The following ASMTL variants were observed in gnomAD, a reference collection of about 807,000 sequenced individuals.
ASMTL encodes the protein acetylserotonin O-methyltransferase like, also known as probable bifunctional dTTP/UTP pyrophosphatase/methyltransferase protein.
In ASMTL, 57 loss-of-function variants were observed where a neutral mutation model predicts 60.3. That is an observed-to-expected ratio of 0.95 (90% CI 0.76 to 1.18). The LOEUF (loss-of-function observed/expected upper bound fraction) is 1.18, where lower values mean the gene tolerates loss of function less well. Ranked by LOEUF, ASMTL falls within the 50% of genes most tolerant of loss-of-function variation. The pLI is 0.00. For missense variants in ASMTL, 981 were observed against 852.6 expected (o/e 1.15, Z -1.88); for synonymous variants, 419 against 373.0 (o/e 1.12, Z -1.42).
chrX:1,452,869 C>T lies in ASMTL; in HGVS notation c.-29G>A, dbSNP rs1293039513. 1 of 1,506,038 alleles carries T rather than the reference C, an allele frequency of 6.6e-7. No homozygotes were observed. Among genetic ancestry groups the T allele is most frequent in the East Asian group, 2.6e-5 (1 of 39,056 alleles). The allele number at this position is 1,506,038 out of a possible 1,614,324, so 93.3% of individuals were successfully genotyped here. On this transcript the variant is annotated 5_prime_UTR_variant, in exon 1 of 13. Transcript: ENST00000381317. ...GTCCACGCCGGGAGCCGGGCGTCCGCACTTCTGAGCCCGGAGCCCGCGGTG... is the reference window on the plus strand; with the variant it reads ...GTCCACGCCGGGAGCCGGGCGTCCGTACTTCTGAGCCCGGAGCCCGCGGTG...
chrX:1,437,189 G>A (rs2090988316), intron 3 of ASMTL, among the ~76,000 whole-genome samples: 1 of 152,068 alleles, frequency 6.6e-6, no homozygotes, highest in African/African-American at 2.4e-5. Context: ...TGAGATCCAG[G>A]TGTGGGCAGG....
rs769642745 is a variant in ASMTL at position 1,417,429 on chromosome X, GAC to G, written c.1522+542_1522+543del. On this transcript the variant is annotated intron_variant, in intron 11 of 12. Coordinates refer to ENST00000381317, the MANE Select transcript of ASMTL (RefSeq NM_004192.4). Reference sequence around the variant, plus strand: ...ACGTGGACACACAGTCTCATGCACAGACACACACACAAGGACATACTACACAG... The same window carrying G: ...ACGTGGACACACAGTCTCATGCACAGACACACACAAGGACATACTACACAG... Among the ~76,000 whole-genome samples the G allele has an allele frequency of 1.3e-4, 19 of 146,530 alleles. No homozygotes were observed. In the South Asian group the frequency reaches 3.7e-3, roughly 29 times the overall value.
At chrX:1,432,593 G>A (rs2090827092) in intron 5 of ASMTL, among the ~76,000 whole-genome samples, 1 of 152,256 alleles carries the variant, frequency 6.6e-6, no homozygotes, top group Non-Finnish European at 1.5e-5. Context: ...ACCTTGGGAG[G>A]CCGAGGCGGG....
chrX:1,419,060 C>T lies in ASMTL; in HGVS notation c.1300G>A (p.Gly434Ser), dbSNP rs11553052. The change falls in exon 10 of 13, where the codon GGC becomes AGC. Residue 434 changes from glycine to serine, a missense_variant. Transcript: ENST00000381317. ...TRLRFMRAMHGMTKLTACQVA... is the reference protein window; with the variant it reads ...TRLRFMRAMHSMTKLTACQVA... ...TGGCACGCAGTCAGCTTCGTCATGC[C>T]GTGCATGGCCCGCATGAACCTCAGC... 0.16 allele frequency: 256,051 copies of T among 1,610,608 alleles called. 21,077 individuals carry two copies. Among genetic ancestry groups the T allele is most frequent in the Non-Finnish European group, 0.17 (201,123 of 1,179,088 alleles).
intron 12 of ASMTL, among the ~76,000 whole-genome samples, chrX:1,411,693 C>T (rs1485042505): frequency 2.0e-5 from 3 of 150,732 alleles, no homozygotes; most frequent in Non-Finnish European, 4.4e-5. Flanking sequence ...CACCAGCCCA[C>T]GGCTTCCTCC....
At chrX:1,412,917 G>A in intron 11 of ASMTL, 63 bp from the exon 12 acceptor site, 2 of 1,591,764 alleles carry the variant, frequency 1.3e-6, no homozygotes, top group Admixed American at 3.4e-5. Flanking sequence ...TCCCCGGACA[G>A]ATCCTGGGAC....
At chrX:1,411,963 T>G (rs1400381366) in intron 12 of ASMTL, among the ~76,000 whole-genome samples, 7 of 151,668 alleles carry the variant, frequency 4.6e-5, no homozygotes, top group Non-Finnish European at 8.8e-5. Flanking sequence ...AGGCACCCGC[T>G]ATCAAGCCCG....
chrX:1,416,580 C>A (rs2090279770), intron 11 of ASMTL, among the ~76,000 whole-genome samples: 2 of 148,570 alleles, frequency 1.3e-5, no homozygotes, highest in South Asian at 4.2e-4. Context: ...CAGACGCAGA[C>A]ACACAGACAT....
intron 12 of ASMTL, among the ~76,000 whole-genome samples, chrX:1,406,135 G>A (rs1181596557): frequency 6.7e-6 from 1 of 150,148 alleles, no homozygotes; most frequent in Non-Finnish European, 1.5e-5. Context: ...TGTATAGATG[G>A]ATGCATGGAT....
In ASMTL at chrX:1,435,552, T is replaced by TCAGA. The variant is rs1378724276; in HGVS notation, c.338+138_338+141dup. 4 of 788,932 alleles carry TCAGA rather than the reference T, an allele frequency of 5.1e-6. 1 individual carries two copies. The African/African-American group carries it at 6.8e-5, about 13-fold the overall frequency. The allele number at this position is 788,932 out of a possible 1,614,324, so 48.9% of individuals were successfully genotyped here. On this transcript the variant is annotated intron_variant, in intron 4 of 12. Transcript: ENST00000381317. Reference sequence around the variant, plus strand: ...GATAGTGCCTGCCTCCCTGCATAGCTCAGACAGCACAGCTCAGACAGCACA... The same window carrying TCAGA: ...GATAGTGCCTGCCTCCCTGCATAGCTCAGACAGACAGCACAGCTCAGACAGCACA...
intron 1 of ASMTL, among the ~76,000 whole-genome samples, chrX:1,451,924 G>T (rs1391891591): frequency 1.6e-4 from 24 of 149,906 alleles, no homozygotes; most frequent in African/African-American, 5.9e-4. Flanking sequence ...ATCCCTAGGG[G>T]GTCCCGGGTC....
In ASMTL at chrX:1,403,276, G is replaced by A; in HGVS notation, c.1859C>T (p.Ala620Val). The A allele has an allele frequency of 1.2e-6, 2 of 1,612,600 alleles. No individual in the cohort carries two copies. The highest frequency in any genetic ancestry group is 1.7e-6 in the Non-Finnish European group (2 of 1,179,710). Residue 620 changes from alanine to valine, a missense_variant, in exon 13 of 13, where the codon GCC (alanine) becomes GTC (valine). Transcript: ENST00000381317. ...VLDAILATKVAP is the reference protein window; with the variant it reads ...VLDAILATKVVP ...GAACATGCTGCCTGGGCTTCAGGGG[G>A]CCACTTTGGTGGCCAAGATGGCATC...
At chrX:1,412,096 C>G (rs1312053925) in intron 12 of ASMTL, among the ~76,000 whole-genome samples, 2 of 152,008 alleles carry the variant, frequency 1.3e-5, no homozygotes, top group African/African-American at 4.8e-5. Context: ...GGATGACAGG[C>G]GTGAGCCACC....
chrX:1,418,138 C>G (rs758319495), intron 10 of ASMTL, 22 bp from the exon 11 acceptor site: 10 of 1,576,884 alleles, frequency 6.3e-6, no homozygotes, highest in Non-Finnish European at 8.6e-6. Flanking sequence ...CAAATGCATG[C>G]TCTGTGGCTG....
At chrX:1,435,143 G>C in intron 4 of ASMTL, 60 bp from the exon 5 acceptor site, 2 of 1,584,148 alleles carry the variant, frequency 1.3e-6, no homozygotes, top group Non-Finnish European at 1.7e-6. Context: ...GCTACAAAGC[G>C]AGTTTCTCAA....
In ASMTL at chrX:1,425,516, T is replaced by G; in HGVS notation, c.1060+9A>C. On this transcript the variant is annotated intron_variant, in intron 8 of 12. Coordinates refer to ENST00000381317, the MANE Select transcript of ASMTL (RefSeq NM_004192.4). ...GATCCTCAGAGCAAAACCCGCTGGG[T>G]CCTGTCACCTTGCTCTGTCTTCTCC... The G allele has an allele frequency of 1.2e-6, 2 of 1,609,696 alleles. No homozygotes were observed. The highest frequency in any genetic ancestry group is 1.7e-6 in the Non-Finnish European group (2 of 1,177,854).
intron 3 of ASMTL, among the ~76,000 whole-genome samples, chrX:1,438,681 A>G (rs1426032611): frequency 2.0e-5 from 3 of 152,302 alleles, no homozygotes; most frequent in South Asian, 2.1e-4. Context: ...TGTATCATTG[A>G]TGATATAGAA....
At chrX:1,445,712 T>C (rs2091217218) in intron 1 of ASMTL, among the ~76,000 whole-genome samples, 1 of 152,220 alleles carries the variant, frequency 6.6e-6, no homozygotes, top group South Asian at 2.1e-4. Context: ...GATATAGATC[T>C]TAGATATGGT....
chrX:1,430,175 G>A (rs1218726920), intron 6 of ASMTL, among the ~76,000 whole-genome samples: 6 of 151,722 alleles, frequency 4.0e-5, no homozygotes, highest in East Asian at 2.0e-4. Context: ...CCACCACACC[G>A]GGCTAATTTT....
Sources: gnomAD v4.1 joint callset for allele counts (sites outside exome capture counted in the v4.1 genomes callset) on GRCh38, gnomAD v4.1.1 for gene constraint, MANE v1.5 for transcripts, NCBI Gene and HGNC (gene_info 2026-07-23, HGNC 2026-07-21) for gene names.